Variants in TSC22D1 observed in about 807,000 individuals in gnomAD.
TSC22D1 encodes TSC22 domain family protein 1.
TSC22D1 carries 9 observed loss-of-function variants against 74.2 expected under a neutral mutation model. That is an observed-to-expected ratio of 0.12 (90% CI 0.07 to 0.21). The LOEUF (loss-of-function observed/expected upper bound fraction) is 0.21. Among genes scored for constraint, TSC22D1 ranks in the 10% least tolerant of loss-of-function variants. The probability of loss-of-function intolerance (pLI) is 1.00; values close to 1 mark genes in which losing one functional copy is unlikely to be tolerated. For synonymous variants in TSC22D1, 586 were observed against 492.5 expected, an observed-to-expected ratio of 1.19 and a Z score of -2.51; for missense variants, 1,427 against 1,304.7, an observed-to-expected ratio of 1.09 and a Z score of -1.44.
At chr13:44,441,603 A>ATTTCTTGTAAATAATGT (rs1875212037) in intron 1 of TSC22D1, among the ~76,000 whole-genome samples, 1 of 151,570 alleles carries the variant, frequency 6.6e-6, no homozygotes, top group Non-Finnish European at 1.5e-5. Flanking sequence ...GTGTAAGTAT[A>ATTTCTTGTAAATAATGT]AATATATTAC....
chr13:44,551,955 T>C (rs887709504), intron 1 of TSC22D1, among the ~76,000 whole-genome samples: 2 of 152,188 alleles, frequency 1.3e-5, no homozygotes, highest in Non-Finnish European at 1.5e-5. Flanking sequence ...ATCACTCTTA[T>C]TTGGCACAGT....
intron 1 of TSC22D1, among the ~76,000 whole-genome samples, chr13:44,540,979 A>G (rs1387461427): frequency 6.6e-6 from 1 of 152,216 alleles, no homozygotes; most frequent in Middle Eastern, 3.2e-3. Flanking sequence ...TACGGAGTAC[A>G]GTCAGTCACA....
intron 1 of TSC22D1, chr13:44,436,658 A>G (rs779491984): frequency 6.2e-7 from 1 of 1,600,372 alleles, no homozygotes; most frequent in South Asian, 1.1e-5. Flanking sequence ...CCCTCGTGGA[A>G]AAAAAGAGGG....
At chr13:44,539,874 G>C in intron 1 of TSC22D1, 1 of 1,289,714 alleles carries the variant, frequency 7.8e-7, no homozygotes, top group Non-Finnish European at 1.0e-6. Flanking sequence ...GGTCTTGGCT[G>C]TATCTGTGGT....
chr13:44,452,498 G>A (rs975693275), intron 1 of TSC22D1: 2 of 152,284 alleles, frequency 1.3e-5, no homozygotes, highest in African/African-American at 4.8e-5. Context: ...AGCACAGGGA[G>A]CCTGGGCCTC....
At chr13:44,443,024 A>C (rs545103469) in intron 1 of TSC22D1, among the ~76,000 whole-genome samples, 1 of 141,818 alleles carries the variant, frequency 7.1e-6, no homozygotes, top group Non-Finnish European at 1.5e-5. Flanking sequence ...GAAGTCCCTG[A>C]AAAAAAAAAA....
intron 1 of TSC22D1, among the ~76,000 whole-genome samples, chr13:44,503,762 C>T (rs938860093): frequency 6.6e-6 from 1 of 152,160 alleles, no homozygotes; most frequent in African/African-American, 2.4e-5. Context: ...ATGAATATTT[C>T]ATCATGACTA....
At chr13:44,496,464 C>T (rs1595118024) in intron 1 of TSC22D1, among the ~76,000 whole-genome samples, 1 of 152,046 alleles carries the variant, frequency 6.6e-6, no homozygotes, top group Non-Finnish European at 1.5e-5. Flanking sequence ...GGGTGGATCA[C>T]CTGAGGGCAG....
chr13:44,492,646 C>T (rs1878780402), intron 1 of TSC22D1, among the ~76,000 whole-genome samples: 1 of 152,010 alleles, frequency 6.6e-6, no homozygotes, highest in African/African-American at 2.4e-5. Flanking sequence ...AAGCTCCCCC[C>T]TCCAAACAAA....
chr13:44,515,507 G>A (rs968613021), intron 1 of TSC22D1, among the ~76,000 whole-genome samples: 3 of 151,390 alleles, frequency 2.0e-5, no homozygotes, highest in Non-Finnish European at 1.5e-5. Context: ...GCACAATCTC[G>A]GTTCTCTGCA....
intron 1 of TSC22D1, among the ~76,000 whole-genome samples, chr13:44,461,233 A>C (rs1263713007): frequency 6.6e-6 from 1 of 152,208 alleles, no homozygotes; most frequent in Non-Finnish European, 1.5e-5. Flanking sequence ...GTTCACTCTC[A>C]TACTGCTAGT....
chr13:44,515,768 T>C (rs1470787452), intron 1 of TSC22D1, among the ~76,000 whole-genome samples: 2 of 152,192 alleles, frequency 1.3e-5, no homozygotes, highest in Non-Finnish European at 2.9e-5. Flanking sequence ...TGCATGAATA[T>C]GTATATATCT....
At chr13:44,459,130 A>G (rs1270850554) in intron 1 of TSC22D1, among the ~76,000 whole-genome samples, 1 of 152,108 alleles carries the variant, frequency 6.6e-6, no homozygotes, top group African/African-American at 2.4e-5. Flanking sequence ...CCATGGACCA[A>G]TCAGCACACA....
intron 1 of TSC22D1, chr13:44,539,842 C>T (rs1243066287): frequency 1.6e-6 from 2 of 1,289,438 alleles, no homozygotes; most frequent in Non-Finnish European, 2.0e-6. Context: ...AAAGTGGACC[C>T]CTGACGTCAA....
chr13:44,491,732 A>G, intron 1 of TSC22D1, among the ~76,000 whole-genome samples: 1 of 152,182 alleles, frequency 6.6e-6, no homozygotes, highest in East Asian at 1.9e-4. Flanking sequence ...TAAAACCACA[A>G]TGAACTAATA....
intron 1 of TSC22D1, among the ~76,000 whole-genome samples, chr13:44,467,941 A>G (rs1162532321): frequency 6.6e-6 from 1 of 152,164 alleles, no homozygotes; most frequent in African/African-American, 2.4e-5. Flanking sequence ...ACTAGCACTC[A>G]TATGTTATCA....
At chr13:44,502,213 T>C (rs1326397993) in intron 1 of TSC22D1, among the ~76,000 whole-genome samples, 1 of 152,192 alleles carries the variant, frequency 6.6e-6, no homozygotes, top group East Asian at 1.9e-4. Flanking sequence ...CGTTGTTGAT[T>C]TTCCCAGTCC....
intron 1 of TSC22D1, among the ~76,000 whole-genome samples, chr13:44,557,728 T>C (rs1361229266): frequency 6.6e-6 from 1 of 152,190 alleles, no homozygotes; most frequent in African/African-American, 2.4e-5. Flanking sequence ...ACTTTAAAAG[T>C]ATTTTAATAG....
chr13:44,491,696 T>C (rs773587488), intron 1 of TSC22D1, among the ~76,000 whole-genome samples: 15 of 152,076 alleles, frequency 9.9e-5, no homozygotes, highest in Non-Finnish European at 1.5e-4. Context: ...GTTTAACAGA[T>C]ATAAATAACA....
Sources: gnomAD v4.1 joint callset for allele counts (sites outside exome capture counted in the v4.1 genomes callset) on GRCh38, gnomAD v4.1.1 for gene constraint, MANE v1.5 for transcripts, NCBI Gene and HGNC (gene_info 2026-07-23, HGNC 2026-07-21) for gene names.